Variants in UNC13C observed in about 807,000 individuals in gnomAD.
The protein encoded by UNC13C is unc-13 homolog C, also known as protein unc-13 homolog C.
A neutral mutation model predicts 245.4 loss-of-function variants in UNC13C; 174 were observed. The ratio of observed to expected loss-of-function variants is 0.71; its 90% CI spans 0.63 to 0.80. UNC13C has a LOEUF of 0.80. Among genes scored for constraint, UNC13C ranks in the 30% least tolerant of loss-of-function variants. The probability of loss-of-function intolerance (pLI) is 0.00; values close to 1 mark genes in which losing one functional copy is unlikely to be tolerated. For missense variants in UNC13C, 2,829 were observed against 2,602.9 expected, an observed-to-expected ratio of 1.09 and a Z score of -1.89; for synonymous variants, 992 against 895.1, an observed-to-expected ratio of 1.11 and a Z score of -1.93.
chr15:53,892,235 A>G, the UNC13C span, among the ~76,000 whole-genome samples: 1 of 152,218 alleles, frequency 6.6e-6, no homozygotes, highest in Non-Finnish European at 1.5e-5. Flanking sequence ...GGGTTTCTGC[A>G]GAGAGATCTG....
chr15:54,530,802 CAGAA>C (rs1895704189), intron 25 of UNC13C, among the ~76,000 whole-genome samples: 1 of 152,042 alleles, frequency 6.6e-6, no homozygotes, highest in Non-Finnish European at 1.5e-5. Flanking sequence ...TGCAATGAAA[CAGAA>C]GGAAGAGTGG....
chr15:54,324,643 C>A (rs117469770), intron 14 of UNC13C, among the ~76,000 whole-genome samples: 4 of 151,214 alleles, frequency 2.6e-5, no homozygotes, highest in Non-Finnish European at 4.4e-5. Context: ...AGAATGAGAC[C>A]CTGTCTCTAA....
chr15:54,320,909 G>A (rs34908572), intron 13 of UNC13C: 1 of 339,304 alleles, frequency 2.9e-6, no homozygotes, highest in Admixed American at 3.7e-5. Context: ...AATTGTTGTA[G>A]CTTCCACTAC....
intron 2 of UNC13C, among the ~76,000 whole-genome samples, chr15:54,054,417 C>T (rs558809609): frequency 1.3e-5 from 2 of 152,074 alleles, no homozygotes; most frequent in African/African-American, 2.4e-5. Context: ...CTTAAGGCTG[C>T]CCTCGTTAAA....
At chr15:54,292,931 GA>G (rs1369731956) in intron 10 of UNC13C, among the ~76,000 whole-genome samples, 1 of 147,938 alleles carries the variant, frequency 6.8e-6, no homozygotes, top group Non-Finnish European at 1.5e-5. Context: ...TATAGAGATA[GA>G]TATCTATATC....
chr15:53,866,862 T>C, the UNC13C span, among the ~76,000 whole-genome samples: 1,060 of 152,310 alleles, frequency 7.0e-3, 6 homozygotes, highest in Non-Finnish European at 0.01. Flanking sequence ...ACCAAAAATA[T>C]GTAAAACCAT....
intron 30 of UNC13C, among the ~76,000 whole-genome samples, chr15:54,609,101 T>A (rs1899936703): frequency 6.6e-6 from 1 of 152,244 alleles, no homozygotes; most frequent in Non-Finnish European, 1.5e-5. Flanking sequence ...TTAATTGTGG[T>A]CATCTCTTGG....
At chr15:54,200,655 C>T (rs1206612973) in intron 4 of UNC13C, among the ~76,000 whole-genome samples, 2 of 151,968 alleles carry the variant, frequency 1.3e-5, no homozygotes, top group Non-Finnish European at 2.9e-5. Context: ...ATCAAAACCT[C>T]TGGGATACAG....
chr15:54,494,180 T>C (rs1893846825), intron 19 of UNC13C, among the ~76,000 whole-genome samples: 1 of 152,150 alleles, frequency 6.6e-6, no homozygotes, highest in Non-Finnish European at 1.5e-5. Context: ...CATGTATACA[T>C]ACGTAACAAA....
At chr15:54,115,624 A>G (rs1567025132) in intron 2 of UNC13C, among the ~76,000 whole-genome samples, 1 of 152,150 alleles carries the variant, frequency 6.6e-6, no homozygotes, top group East Asian at 1.9e-4. Flanking sequence ...TTTTAAAAAT[A>G]ATTTTATTTT....
chr15:54,172,434 AT>A (rs1424923385), intron 4 of UNC13C, among the ~76,000 whole-genome samples: 1 of 151,614 alleles, frequency 6.6e-6, no homozygotes, highest in African/African-American at 2.4e-5. Context: ...TTTTATATGA[AT>A]GAGGTAATAC....
chr15:54,472,053 T>C (rs1465221990), intron 19 of UNC13C, among the ~76,000 whole-genome samples: 1 of 151,824 alleles, frequency 6.6e-6, no homozygotes, highest in African/African-American at 2.4e-5. Context: ...TACCTTTGCT[T>C]ACTTTCACTG....
the UNC13C span, among the ~76,000 whole-genome samples, chr15:53,857,575 A>T: frequency 6.6e-6 from 1 of 152,202 alleles, no homozygotes; most frequent in Non-Finnish European, 1.5e-5. Flanking sequence ...GCAAATTATT[A>T]TTGCAGATCT....
chr15:54,604,763 T>G (rs1054662081), intron 30 of UNC13C, among the ~76,000 whole-genome samples: 2 of 152,164 alleles, frequency 1.3e-5, no homozygotes, highest in African/African-American at 4.8e-5. Flanking sequence ...GACTCTGAGT[T>G]GTTCAGATGT....
intron 2 of UNC13C, among the ~76,000 whole-genome samples, chr15:54,136,236 C>G (rs2031723615): frequency 6.6e-6 from 1 of 152,158 alleles, no homozygotes; most frequent in South Asian, 2.1e-4. Context: ...CTCCCAGGCT[C>G]AGGTGATCTT....
intron 2 of UNC13C, among the ~76,000 whole-genome samples, chr15:54,055,783 A>G (rs1256911780): frequency 2.0e-5 from 3 of 152,190 alleles, no homozygotes; most frequent in Admixed American, 6.5e-5. Flanking sequence ...ATGGGATGGA[A>G]TTAAGGTAAC....
intron 2 of UNC13C, among the ~76,000 whole-genome samples, chr15:54,113,975 C>A (rs2030021960): frequency 6.6e-6 from 1 of 152,132 alleles, no homozygotes; most frequent in African/African-American, 2.4e-5. Context: ...CTAGTAGATT[C>A]CTTCACACCT....
chr15:54,068,544 C>A (rs1039032678), intron 2 of UNC13C, among the ~76,000 whole-genome samples: 1 of 152,128 alleles, frequency 6.6e-6, no homozygotes, highest in Non-Finnish European at 1.5e-5. Flanking sequence ...ACAGAGACTG[C>A]AAGGTTGGCA....
At chr15:53,873,110 TGAG>T in the UNC13C span, among the ~76,000 whole-genome samples, 3 of 148,924 alleles carry the variant, frequency 2.0e-5, no homozygotes, top group Non-Finnish European at 3.0e-5. Context: ...TTTGGTGTGT[TGAG>T]GAGGAGAAGG....
Sources: allele counts gnomAD v4.1 joint callset (sites outside exome capture counted in the v4.1 genomes callset), GRCh38; gene constraint gnomAD v4.1.1; transcripts MANE v1.5; gene names NCBI Gene and HGNC (gene_info 2026-07-23, HGNC 2026-07-21).